The following WIPI1 variants were observed in gnomAD, a reference collection of about 807,000 sequenced individuals.
The protein encoded by WIPI1 is WD repeat domain, phosphoinositide interacting 1, also known as WD repeat domain phosphoinositide-interacting protein 1.
WIPI1 carries 45 observed loss-of-function variants against 55.3 expected under a neutral mutation model. The ratio of observed to expected loss-of-function variants is 0.81; its 90% CI spans 0.64 to 1.04. The LOEUF (loss-of-function observed/expected upper bound fraction) is 1.04. Ranked by LOEUF, WIPI1 falls within the 50% of genes least tolerant of loss-of-function variation. WIPI1 has a pLI of 0.00. For missense variants in WIPI1, 445 were observed against 559.0 expected (o/e 0.80, Z 2.06); for synonymous variants, 195 against 217.6 (o/e 0.90, Z 0.92).
At chr17:68,457,220 G>T in intron 1 of WIPI1, 122 bp downstream of exon 1, 1 of 1,209,838 alleles carries the variant, frequency 8.3e-7, no homozygotes, top group Non-Finnish European at 1.2e-6. Flanking sequence ...GTCCGAAGCA[G>T]ACACCGGCCC....
At chr17:68,452,644 T>C (rs534411003) in intron 2 of WIPI1, among the ~76,000 whole-genome samples, 2 of 152,350 alleles carry the variant, frequency 1.3e-5, no homozygotes, top group Admixed American at 1.3e-4. Flanking sequence ...CATATAAGCA[T>C]GTGAAAAAGT....
intron 4 of WIPI1, among the ~76,000 whole-genome samples, chr17:68,442,235 G>A (rs959804146): frequency 3.3e-5 from 5 of 152,138 alleles, no homozygotes; most frequent in Non-Finnish European, 5.9e-5. Context: ...AGGCCAAGGC[G>A]GGCGGATCAC....
chr17:68,426,254 G>GGGGGGGGGGGGGGGGCCCCCCC, intron 11 of WIPI1, 79 bp from the exon 12 acceptor site: 1 of 816,920 alleles, frequency 1.2e-6, no homozygotes, highest in Non-Finnish European at 1.9e-6. Context: ...GGGAGCGGGG[G>GGGGGGGGGGGGGGGGCCCCCCC]CTCAAATAAA....
chr17:68,428,996 C>T, intron 9 of WIPI1, 60 bp from the exon 10 acceptor site: 1 of 1,333,136 alleles, frequency 7.5e-7, no homozygotes, highest in Non-Finnish European at 1.1e-6. Flanking sequence ...GGATTCGCTT[C>T]CAATGACAAA....
At chr17:68,456,971 C>T (rs1049889137) in intron 1 of WIPI1, among the ~76,000 whole-genome samples, 14 of 152,200 alleles carry the variant, frequency 9.2e-5, no homozygotes, top group Admixed American at 2.0e-4. Context: ...TCTCCTTTCT[C>T]ATCTCTTTCT....
chr17:68,445,975 C>G (rs1736031317), intron 3 of WIPI1, among the ~76,000 whole-genome samples: 1 of 152,124 alleles, frequency 6.6e-6, no homozygotes, highest in African/African-American at 2.4e-5. Flanking sequence ...CACACTGAGG[C>G]TCAAGAACCA....
chr17:68,449,979 C>T (rs2084434201), intron 3 of WIPI1, among the ~76,000 whole-genome samples: 2 of 152,248 alleles, frequency 1.3e-5, no homozygotes, highest in South Asian at 4.1e-4. Context: ...CCACTGCATT[C>T]CAGCCTGGGC....
At position 68,436,218 on chromosome 17, in the gene WIPI1, G is replaced by A. The variant is rs78869768; in HGVS notation, c.528+164C>T. ...TGGCTTATGGTGAGGTTGACTCACA[G>A]CAAGCCCGAGGGGAAATAGTATCAC... On this transcript the variant is annotated intron_variant, in intron 5 of 12. Transcript: ENST00000262139. 5.9e-3 allele frequency among the ~76,000 whole-genome samples: 897 copies of A among 152,324 alleles called. 9 individuals are homozygous for A. The highest frequency in any genetic ancestry group is 0.021 in the African/African-American group (857 of 41,572).
At position 68,436,505 on chromosome 17, in the gene WIPI1, G is replaced by C. The variant is rs778052304; in HGVS notation, c.431-26C>G. On this transcript the variant is annotated intron_variant, in intron 4 of 12. Transcript: ENST00000262139. Reference sequence around the variant, plus strand: ...CTGGCAAAGAAGAAACAGAACATGAGAAGCCTGGGGCCAAGGGAGAGATTG... The same window carrying C: ...CTGGCAAAGAAGAAACAGAACATGACAAGCCTGGGGCCAAGGGAGAGATTG... 4.1e-5 allele frequency: 66 copies of C among 1,606,090 alleles called. No homozygotes were observed. In the Middle Eastern group the frequency reaches 8.2e-4, roughly 20 times the overall value.
chr17:68,434,681 T>C, intron 6 of WIPI1, 55 bp from the exon 7 acceptor site: 2 of 1,585,558 alleles, frequency 1.3e-6, no homozygotes, highest in East Asian at 2.2e-5. Context: ...TACACAGAGA[T>C]GTCCCTTTAG....
intron 2 of WIPI1, among the ~76,000 whole-genome samples, chr17:68,451,195 CTGAGGCAGGAGAATCACT>C (rs2147991385): frequency 6.6e-6 from 1 of 152,232 alleles, no homozygotes; most frequent in East Asian, 1.9e-4. Context: ...CTTTGGGAGG[CTGAGGCAGGAGAATCACT>C]TGAGGCCAGG....
intron 4 of WIPI1, among the ~76,000 whole-genome samples, chr17:68,442,201 T>C (rs76185620): frequency 0.15 from 23,308 of 152,120 alleles, 2,312 homozygotes; most frequent in East Asian, 0.28. Flanking sequence ...TGCTGACTCA[T>C]GCCTATAATT....
At chr17:68,437,005 A>AAT (rs1555801305) in intron 4 of WIPI1, among the ~76,000 whole-genome samples, 7 of 107,264 alleles carry the variant, frequency 6.5e-5, no homozygotes, top group African/African-American at 1.1e-4. Flanking sequence ...AAAAAAAAAA[A>AAT]ATATATATAT....
At chr17:68,421,978 C>G in intron 12 of WIPI1, 158 bp from the exon 13 acceptor site, 1 of 794,746 alleles carries the variant, frequency 1.3e-6, no homozygotes, top group Non-Finnish European at 2.1e-6. Flanking sequence ...AGAATGGTCA[C>G]CCAGCTTATT....
At chr17:68,431,901 C>G (rs557363898) in intron 8 of WIPI1, among the ~76,000 whole-genome samples, 2 of 152,254 alleles carry the variant, frequency 1.3e-5, no homozygotes, top group Admixed American at 6.5e-5. Flanking sequence ...GGGGCTGCAG[C>G]AGCAATTGCG....
intron 8 of WIPI1, among the ~76,000 whole-genome samples, chr17:68,431,361 G>A (rs980115514): frequency 3.9e-5 from 6 of 152,040 alleles, no homozygotes; most frequent in African/African-American, 1.4e-4. Flanking sequence ...AGGATGCTGG[G>A]GACTGAGCAT....
chr17:68,448,195 C>T (rs1243282708), intron 3 of WIPI1: 1 of 152,204 alleles, frequency 6.6e-6, no homozygotes, highest in African/African-American at 2.4e-5. Flanking sequence ...CCGGACACCA[C>T]AGAATCCCTA....
chr17:68,430,200 AG>A (rs1238222118), intron 8 of WIPI1, 40 bp from the exon 9 acceptor site: 7 of 1,578,336 alleles, frequency 4.4e-6, no homozygotes, highest in Non-Finnish European at 6.0e-6. Flanking sequence ...ACTGGGCTGC[AG>A]GCCCCACACG....
chr17:68,427,033 C>T (rs574169137), intron 11 of WIPI1, 102 bp downstream of exon 11: 5 of 970,008 alleles, frequency 5.2e-6, no homozygotes, highest in African/African-American at 4.8e-5. Context: ...GGGCACTCCA[C>T]CCCCAGGTAA....
Sources: allele counts gnomAD v4.1 joint callset (sites outside exome capture counted in the v4.1 genomes callset), GRCh38; gene constraint gnomAD v4.1.1; transcripts MANE v1.5; gene names NCBI Gene and HGNC (gene_info 2026-07-23, HGNC 2026-07-21).